The following ING1 variants were observed in gnomAD, a reference collection of about 807,000 sequenced individuals.
ING1 encodes the protein inhibitor of growth protein 1.
A neutral mutation model predicts 23.1 loss-of-function variants in ING1; 4 were observed. The observed-to-expected ratio is 0.17, with a 90% confidence interval of 0.09 to 0.40. The LOEUF (loss-of-function observed/expected upper bound fraction) is 0.40, where lower values mean the gene tolerates loss of function less well. Ranked by LOEUF, ING1 falls within the 10% of genes least tolerant of loss-of-function variation. The pLI, the probability that ING1 is intolerant of heterozygous loss-of-function variation, is 1.00. For synonymous variants in ING1, 179 were observed against 166.4 expected, an observed-to-expected ratio of 1.08 and a Z score of -0.58; for missense variants, 256 against 393.8, an observed-to-expected ratio of 0.65 and a Z score of 2.96.
At chr13:110,715,589 GT>G (rs1336812283) in intron 1 of ING1, 1 of 1,614,114 alleles carries the variant, frequency 6.2e-7, no homozygotes, top group South Asian at 1.1e-5. Context: ...GGGGTGGAGG[GT>G]GGACGAGTTG....
In ING1 at chr13:110,714,297, T is replaced by G; in HGVS notation, c.136+12T>G. 6.5e-7 allele frequency: 1 copy of G among 1,542,772 alleles called. No individual in the cohort carries two copies. On this transcript the variant is annotated intron_variant, in intron 1 of 1. Coordinates refer to ENST00000333219, the MANE Select transcript of ING1 (RefSeq NM_198219.3). The stretch of plus-strand genomic sequence containing the variant: ...CGCGAAATACCAAGGTACGGCCGGG[T>G]GATGGATGGGCGGGGGCGGCCGCCT...
At chr13:110,712,929 C>T (rs753142411), upstream of ING1, 1 of 1,556,182 alleles carries the variant, frequency 6.4e-7, no homozygotes, top group Non-Finnish European at 8.7e-7. Flanking sequence ...ATGGCGCAGG[C>T]GCGGGAGCCG....
At chr13:110,717,874 A>C (rs1434435130) in intron 1 of ING1, among the ~76,000 whole-genome samples, 2 of 152,212 alleles carry the variant, frequency 1.3e-5, no homozygotes, top group Non-Finnish European at 2.9e-5. Flanking sequence ...AAGAGACTGC[A>C]AAAAGGTTTT....
rs77955593 is a variant in ING1, at chr13:110,716,779, G to T, written c.137-2450G>T. Among the ~76,000 whole-genome samples the T allele has an allele frequency of 7.7e-4, 118 of 152,312 alleles. 2 individuals carry two copies. In the East Asian group the frequency reaches 0.02, roughly 26 times the overall value. Reference sequence around the variant, plus strand: ...CCATGGTAATGTTGGTGTGGAATATGTTTGGAAAAAAGGCAGTAGTGTCTG... The same window carrying T: ...CCATGGTAATGTTGGTGTGGAATATTTTTGGAAAAAAGGCAGTAGTGTCTG... On this transcript the variant is annotated intron_variant, in intron 1 of 1. Transcript: ENST00000333219.
Position 110,721,253 on chromosome 13 carries a change from G to A in ING1, c.*1321G>A, listed in dbSNP as rs955829481. The A allele has an allele frequency of 6.5e-6, 1 of 153,186 alleles. No homozygotes were observed. The highest frequency in any genetic ancestry group is 2.4e-5 in the African/African-American group (1 of 41,452). The allele number at this position is 153,186 out of a possible 1,614,324, so 9.5% of individuals were successfully genotyped here. A position where few individuals can be genotyped will look rare whatever the true frequency, so the allele number is the denominator to read the frequency against. On this transcript the variant is annotated 3_prime_UTR_variant, in exon 2 of 2. Coordinates refer to ENST00000333219, the MANE Select transcript of ING1 (RefSeq NM_198219.3). The stretch of plus-strand genomic sequence containing the variant: ...ACATTGATTTGCCCACATATTGAAA[G>A]GGTCAGTGGAGTTTTCATTTATTAT...
In ING1 at chr13:110,720,801, C is replaced by T. The variant is rs1566383986; in HGVS notation, c.*869C>T. On this transcript the variant is annotated 3_prime_UTR_variant, in exon 2 of 2. Transcript: ENST00000333219. ...CCTCTAGTAGTATATTTAATTTTGACATAAGTAACTTTTAAAATTTGTCTT... is the reference window on the plus strand; with the variant it reads ...CCTCTAGTAGTATATTTAATTTTGATATAAGTAACTTTTAAAATTTGTCTT... The T allele has an allele frequency of 6.0e-6, 1 of 167,072 alleles. No individual in the cohort carries two copies. The allele number at this position is 167,072 out of a possible 1,614,324, so 10.3% of individuals were successfully genotyped here. A position where few individuals can be genotyped will look rare whatever the true frequency, so the allele number is the denominator to read the frequency against.
At chr13:110,714,838 C>A in intron 1 of ING1, 1 of 334,738 alleles carries the variant, frequency 3.0e-6, no homozygotes, top group Non-Finnish European at 4.3e-6. Context: ...GTAGGTCGGC[C>A]GCCCCCGCCC....
chr13:110,719,312 G>T lies in ING1; in HGVS notation c.220G>T (p.Val74Leu), dbSNP rs754302199. The change falls in exon 2 of 2, where the codon GTG (valine) becomes TTG (leucine). Residue 74 changes from valine (V) to leucine (L), a missense_variant. Transcript: ENST00000333219. This position sits in a 1 kb window ranked among gnomAD's most constrained non-coding sequence, Gnocchi z 8.9. ...GCAGAAGCGGCGGATGCTGCACTGTGTGCAGCGCGCGCTGATCCGCAGCCA... is the reference window on the plus strand; with the variant it reads ...GCAGAAGCGGCGGATGCTGCACTGTTTGCAGCGCGCGCTGATCCGCAGCCA... ...GAQKRRMLHC[V>L]QRALIRSQEL... is the part of the protein sequence containing the mutation. 4.3e-6 allele frequency: 7 copies of T among 1,609,804 alleles called. No homozygotes were observed. The highest frequency in any genetic ancestry group is 5.1e-6 in the Non-Finnish European group (6 of 1,179,892).
In ING1 at chr13:110,714,330, G is replaced by A. The variant is rs548073647; in HGVS notation, c.136+45G>A. On this transcript the variant is annotated intron_variant, in intron 1 of 1. Transcript: ENST00000333219. ...GGGCGGGGGCGGCCGCCTCCTTCCC[G>A]GCGGGTCCGGGCGCGCCGCGGAGCC... 1.8e-5 allele frequency: 26 copies of A among 1,485,352 alleles called. No homozygotes were observed. The South Asian group carries it at 3.1e-4, about 18-fold the overall frequency. The allele number at this position is 1,485,352 out of a possible 1,614,324, so 92.0% of individuals were successfully genotyped here.
chr13:110,715,271 T>G, intron 1 of ING1: 4 of 1,371,040 alleles, frequency 2.9e-6, no homozygotes, highest in South Asian at 1.9e-5. Flanking sequence ...AACGGAAGAG[T>G]TGGGTGGGGG....
intron 1 of ING1, among the ~76,000 whole-genome samples, chr13:110,717,275 A>G (rs61969071): frequency 0.018 from 2,718 of 152,296 alleles, 34 homozygotes; most frequent in Middle Eastern, 0.034. Context: ...ATAATTAATT[A>G]CTATATGAGA....
In ING1 at chr13:110,715,655, G is replaced by A. The variant is rs775429118; in HGVS notation, c.136+1370G>A. On this transcript the variant is annotated intron_variant, in intron 1 of 1. Coordinates refer to ENST00000333219, the MANE Select transcript of ING1 (RefSeq NM_198219.3). ...CAGCCTTGGATTGGTTCTTCTCGCTGCTGGGGCGGGCCGTGCTCTTCCGCC... is the reference window on the plus strand; with the variant it reads ...CAGCCTTGGATTGGTTCTTCTCGCTACTGGGGCGGGCCGTGCTCTTCCGCC... 3.1e-6 allele frequency: 5 copies of A among 1,611,796 alleles called. No homozygotes were observed. In the Admixed American group the frequency reaches 8.4e-5, roughly 27 times the overall value.
At chr13:110,713,606 C>CG (rs1406780954), upstream of ING1, 5 of 985,078 alleles carry the variant, frequency 5.1e-6, no homozygotes, top group East Asian at 2.3e-4. Context: ...GTGAATGCGG[C>CG]GGGGGGCGGG....
upstream of ING1, chr13:110,712,690 C>T (rs534777684): frequency 7.4e-6 from 5 of 674,966 alleles, no homozygotes; most frequent in East Asian, 1.1e-4. Context: ...GCCGGCCGAC[C>T]GGGTGTCTGC....
chr13:110,717,368 C>G (rs983024927), intron 1 of ING1, among the ~76,000 whole-genome samples: 2 of 152,168 alleles, frequency 1.3e-5, no homozygotes, highest in African/African-American at 4.8e-5. Context: ...AGAATATACT[C>G]TGGAAAATAT....
upstream of ING1, chr13:110,712,887 C>A (rs775112565): frequency 2.8e-6 from 4 of 1,424,100 alleles, no homozygotes; most frequent in South Asian, 2.4e-5. Context: ...AACTGAGTAC[C>A]GGGAGACGAC....
rs760249851 is a variant in ING1, at chr13:110,721,925, A to T, written c.*1993A>T. On this transcript the variant is annotated 3_prime_UTR_variant, in exon 2 of 2. Coordinates refer to ENST00000333219, the MANE Select transcript of ING1 (RefSeq NM_198219.3). ...ATGGTAAAATCAGTTTCTTTCCATG[A>T]TCTGTTTCACAGTCTCTGTGAAGCT... The T allele has an allele frequency of 3.3e-5, 5 of 152,154 alleles. No individual in the cohort carries two copies. Among genetic ancestry groups the T allele is most frequent in the Non-Finnish European group, 5.9e-5 (4 of 68,038 alleles). 9.4% of individuals were successfully genotyped at this position (152,154 alleles called of 1,614,324 possible). A position where few individuals can be genotyped will look rare whatever the true frequency, so the allele number is the denominator to read the frequency against.
At chr13:110,715,356 C>G (rs1028088630) in intron 1 of ING1, 2 of 1,484,400 alleles carry the variant, frequency 1.3e-6, no homozygotes, top group African/African-American at 1.4e-5. Flanking sequence ...CGCGTTCTAT[C>G]CGAGACGTAG....
intron 1 of ING1, among the ~76,000 whole-genome samples, chr13:110,716,696 C>A (rs2064126651): frequency 6.6e-6 from 1 of 152,186 alleles, no homozygotes; most frequent in African/African-American, 2.4e-5. Flanking sequence ...ATTGGACAAA[C>A]CAATTTAAAT....
Sources: gnomAD v4.1 joint callset for allele counts (sites outside exome capture counted in the v4.1 genomes callset) on GRCh38, gnomAD v4.1.1 for gene constraint, Gnocchi (gnomAD v3.1) non-coding constraint, MANE v1.5 for transcripts, NCBI Gene and HGNC (gene_info 2026-07-23, HGNC 2026-07-21) for gene names.